RMDN2: variants seen among roughly 807,000 people sequenced by gnomAD.
RMDN2 encodes regulator of microtubule dynamics protein 2.
RMDN2 carries 61 observed loss-of-function variants against 52.8 expected under a neutral mutation model. That is an observed-to-expected ratio of 1.16 (90% CI 0.94 to 1.43). The LOEUF is 1.43. Among genes scored for constraint, RMDN2 ranks in the 40% most tolerant of loss-of-function variants. The probability of loss-of-function intolerance (pLI) is 0.00; values close to 1 mark genes in which losing one functional copy is unlikely to be tolerated. For missense variants in RMDN2, 592 were observed against 475.3 expected, an observed-to-expected ratio of 1.25 and a Z score of -2.28; for synonymous variants, 180 against 153.1, an observed-to-expected ratio of 1.18 and a Z score of -1.30.
At chr2:37,944,977 A>G (rs1329439116) in intron 2 of RMDN2, among the ~76,000 whole-genome samples, 4 of 152,196 alleles carry the variant, frequency 2.6e-5, no homozygotes, top group Non-Finnish European at 5.9e-5. Flanking sequence ...ACAAGGTGTC[A>G]CCTGACCTTT....
intron 10 of RMDN2, among the ~76,000 whole-genome samples, chr2:38,060,177 C>T (rs1209556067): frequency 6.6e-6 from 1 of 151,804 alleles, no homozygotes; most frequent in Non-Finnish European, 1.5e-5. Context: ...GATCTCCTGA[C>T]CTCATGATCC....
upstream of RMDN2, among the ~76,000 whole-genome samples, chr2:37,925,039 G>A (rs1163801399): frequency 6.6e-6 from 1 of 152,232 alleles, no homozygotes; most frequent in African/African-American, 2.4e-5. Flanking sequence ...CAACGCGAGA[G>A]GGAACGCGCT....
chr2:37,940,694 A>G (rs552893870), intron 2 of RMDN2, among the ~76,000 whole-genome samples: 294 of 152,180 alleles, frequency 1.9e-3, no homozygotes, highest in African/African-American at 6.5e-3. Context: ...ATACTTGTGT[A>G]TGCTTCACAA....
chr2:37,990,518 CAAAAAAAAAAAA>C (rs397812186), intron 6 of RMDN2, among the ~76,000 whole-genome samples: 3 of 37,582 alleles, frequency 8.0e-5, no homozygotes, highest in African/African-American at 1.9e-4. Flanking sequence ...GACTCCATCT[CAAAAAAAAAAAA>C]AAAAAAAAAA....
intron 2 of RMDN2, among the ~76,000 whole-genome samples, chr2:37,942,131 C>T (rs1479853633): frequency 2.6e-5 from 4 of 152,084 alleles, no homozygotes; most frequent in Non-Finnish European, 4.4e-5. Context: ...GCAAGTCCCT[C>T]ACAGCTCCTC....
downstream of RMDN2, among the ~76,000 whole-genome samples, chr2:38,022,730 C>G (rs557063432): frequency 6.6e-6 from 1 of 152,308 alleles, no homozygotes; most frequent in Admixed American, 6.5e-5. Flanking sequence ...ATCCATGCCA[C>G]TTCTCATTTG....
chr2:38,040,109 C>T (rs1680864470), intron 10 of RMDN2, among the ~76,000 whole-genome samples: 1 of 147,354 alleles, frequency 6.8e-6, no homozygotes, highest in Non-Finnish European at 1.5e-5. Context: ...CCAATTTTTC[C>T]AGTACTACTT....
At chr2:38,015,570 AAAAAAAAAG>A (rs1446507941) in intron 10 of RMDN2, among the ~76,000 whole-genome samples, 11 of 151,898 alleles carry the variant, frequency 7.2e-5, no homozygotes. Flanking sequence ...TCTCAAAAAA[AAAAAAAAAG>A]AAAAAAAAGG....
At chr2:38,032,335 T>A (rs2125276076) in intron 10 of RMDN2, among the ~76,000 whole-genome samples, 1 of 152,332 alleles carries the variant, frequency 6.6e-6, no homozygotes, top group Non-Finnish European at 1.5e-5. Flanking sequence ...AATACCATAT[T>A]AATGGAATCA....
chr2:37,963,643 T>G (rs1019961293), intron 2 of RMDN2, among the ~76,000 whole-genome samples: 1 of 152,250 alleles, frequency 6.6e-6, no homozygotes, highest in Admixed American at 6.5e-5. Flanking sequence ...GGCAAGGTCA[T>G]AGATCAACAG....
chr2:37,942,774 G>T (rs920568800), intron 2 of RMDN2, among the ~76,000 whole-genome samples: 5 of 152,188 alleles, frequency 3.3e-5, no homozygotes, highest in African/African-American at 1.2e-4. Flanking sequence ...TATTCATTCA[G>T]TGTGAGTGTC....
intron 10 of RMDN2, among the ~76,000 whole-genome samples, chr2:38,011,904 TCA>T (rs963740977): frequency 2.0e-5 from 3 of 152,186 alleles, no homozygotes; most frequent in African/African-American, 4.8e-5. Flanking sequence ...GTCATTCTCC[TCA>T]CAGCTTCCTT....
chr2:38,058,077 C>G (rs1425905061), intron 10 of RMDN2, among the ~76,000 whole-genome samples: 1 of 152,238 alleles, frequency 6.6e-6, no homozygotes, highest in Non-Finnish European at 1.5e-5. Context: ...ATAATAGCAG[C>G]ATTAGAAAGC....
At chr2:38,016,124 A>G (rs554464655) in intron 10 of RMDN2, among the ~76,000 whole-genome samples, 2 of 152,262 alleles carry the variant, frequency 1.3e-5, no homozygotes, top group African/African-American at 4.8e-5. Flanking sequence ...AGAGTAACAC[A>G]CTGTATCAGT....
chr2:37,993,634 A>G (rs1302066083), intron 7 of RMDN2, among the ~76,000 whole-genome samples: 1 of 152,140 alleles, frequency 6.6e-6, no homozygotes, highest in East Asian at 1.9e-4. Context: ...GGCATTTACC[A>G]AGGCTGGTAA....
chr2:37,948,059 G>C (rs78924293), intron 2 of RMDN2, among the ~76,000 whole-genome samples: 1 of 152,138 alleles, frequency 6.6e-6, no homozygotes, highest in East Asian at 1.9e-4. Context: ...TCTGGGGGTC[G>C]TCATGACCCG....
intron 10 of RMDN2, among the ~76,000 whole-genome samples, chr2:38,041,057 A>G (rs950662852): frequency 2.0e-5 from 3 of 152,218 alleles, no homozygotes; most frequent in Non-Finnish European, 4.4e-5. Context: ...TTTGTATATT[A>G]ACCTTGTATC....
intron 2 of RMDN2, among the ~76,000 whole-genome samples, chr2:37,941,526 G>A (rs550559943): frequency 1.3e-5 from 2 of 152,346 alleles, no homozygotes; most frequent in Admixed American, 1.3e-4. Flanking sequence ...TCTGTCCCAG[G>A]GAAACTGGAG....
chr2:38,006,618 A>C (rs1044951848), intron 10 of RMDN2, among the ~76,000 whole-genome samples: 1 of 151,910 alleles, frequency 6.6e-6, no homozygotes, highest in East Asian at 1.9e-4. Context: ...AGATGATGGG[A>C]TTTTCTAGAT....
Sources: gnomAD v4.1 joint callset for allele counts (sites outside exome capture counted in the v4.1 genomes callset) on GRCh38, gnomAD v4.1.1 for gene constraint, MANE v1.5 for transcripts, NCBI Gene and HGNC (gene_info 2026-07-23, HGNC 2026-07-21) for gene names.